The following SEL1L3 variants were observed in gnomAD, a reference collection of about 807,000 sequenced individuals.
SEL1L3 encodes the protein protein sel-1 homolog 3.
A neutral mutation model predicts 142.8 loss-of-function variants in SEL1L3; 76 were observed. The ratio of observed to expected loss-of-function variants is 0.53; its 90% CI spans 0.44 to 0.64. The LOEUF (loss-of-function observed/expected upper bound fraction) is 0.64. Ranked by LOEUF, SEL1L3 falls within the 30% of genes least tolerant of loss-of-function variation. The probability of loss-of-function intolerance (pLI) is 0.00; values close to 1 mark genes in which losing one functional copy is unlikely to be tolerated. For missense variants in SEL1L3, 1,262 were observed against 1,381.7 expected, an observed-to-expected ratio of 0.91 and a Z score of 1.37; for synonymous variants, 504 against 519.6, an observed-to-expected ratio of 0.97 and a Z score of 0.41.
intron 6 of SEL1L3, among the ~76,000 whole-genome samples, chr4:25,825,819 CAT>C (rs1246205283): frequency 5.8e-4 from 88 of 151,932 alleles, no homozygotes; most frequent in African/African-American, 1.9e-3. Flanking sequence ...GGAATACAGG[CAT>C]GCGCCACCAC....
chr4:25,781,385 C>A (rs1167902880), intron 15 of SEL1L3, among the ~76,000 whole-genome samples: 1 of 151,980 alleles, frequency 6.6e-6, no homozygotes, highest in Non-Finnish European at 1.5e-5. Context: ...CACCTGTAAT[C>A]CCAGAACTTT....
the SEL1L3 span, among the ~76,000 whole-genome samples, chr4:25,738,985 T>C: frequency 1.1e-4 from 16 of 150,270 alleles, no homozygotes; most frequent in South Asian, 4.2e-4. Flanking sequence ...GCGGGCAGAT[T>C]ACAAGGTCAG....
At chr4:25,802,495 G>A in intron 10 of SEL1L3, 33 bp from the exon 11 acceptor site, 1 of 1,573,478 alleles carries the variant, frequency 6.4e-7, no homozygotes. Context: ...GCGTTCATGA[G>A]ATTGTAGATA....
Position 25,788,596 on chromosome 4 carries a change from G to A in SEL1L3, c.2077-232C>T, listed in dbSNP as rs140814518. Among the ~76,000 whole-genome samples the A allele has an allele frequency of 0.23, 34,907 of 150,230 alleles. 4,153 individuals are homozygous for A. Among genetic ancestry groups the A allele is most frequent in the Admixed American group, 0.32 (4,851 of 15,088 alleles). Reference sequence around the variant, plus strand: ...TGTGTGTGTGTGTGTGTGTGTGTGTGTGTGTGTGTGTGTGTGTGTGTGTGT... The same window carrying A: ...TGTGTGTGTGTGTGTGTGTGTGTGTATGTGTGTGTGTGTGTGTGTGTGTGT... On this transcript the variant is annotated intron_variant, in intron 12 of 23. Coordinates refer to ENST00000399878, the MANE Select transcript of SEL1L3 (RefSeq NM_015187.5). This position sits in a 1 kb window ranked among gnomAD's most constrained non-coding sequence, Gnocchi z 5.3.
chr4:25,803,110 C>T (rs779660461), intron 10 of SEL1L3, among the ~76,000 whole-genome samples: 4 of 152,174 alleles, frequency 2.6e-5, no homozygotes, highest in African/African-American at 9.7e-5. Flanking sequence ...GTCTGGATGG[C>T]GGGCCCATGT....
At chr4:25,832,233 G>A (rs1363564359) in intron 5 of SEL1L3, among the ~76,000 whole-genome samples, 2 of 152,210 alleles carry the variant, frequency 1.3e-5, no homozygotes, top group African/African-American at 2.4e-5. Context: ...AGGGAAGACT[G>A]TGCATCATCT....
chr4:25,863,447 C>T (rs577552119), upstream of SEL1L3: 38 of 700,928 alleles, frequency 5.4e-5, no homozygotes, highest in South Asian at 5.3e-4. Context: ...TTTTGCGGGT[C>T]GCACAGACCA....
chr4:25,832,621 A>T (rs1715518799), intron 5 of SEL1L3, among the ~76,000 whole-genome samples: 1 of 152,248 alleles, frequency 6.6e-6, no homozygotes, highest in South Asian at 2.1e-4. Flanking sequence ...TTCCTTAAAA[A>T]AAAAGTTGTA....
intron 2 of SEL1L3, among the ~76,000 whole-genome samples, chr4:25,841,117 C>G (rs1193430588): frequency 3.3e-5 from 5 of 152,004 alleles, no homozygotes; most frequent in Admixed American, 1.3e-4. Flanking sequence ...ACTGCAGCCT[C>G]CATCTCCTGA....
chr4:25,819,745 C>G (rs1560329427), intron 8 of SEL1L3, 63 bp downstream of exon 8: 2 of 1,509,382 alleles, frequency 1.3e-6, no homozygotes, highest in Non-Finnish European at 1.8e-6. Context: ...TATGGAGAAG[C>G]CAAACATGTG....
At chr4:25,804,800 C>T (rs765320669) in intron 9 of SEL1L3, 48 bp from the exon 10 acceptor site, 6 of 1,366,172 alleles carry the variant, frequency 4.4e-6, no homozygotes, top group Non-Finnish European at 4.2e-6. Flanking sequence ...ACCATGGGAT[C>T]GATGTGGCTT....
intron 17 of SEL1L3, among the ~76,000 whole-genome samples, chr4:25,768,769 T>C (rs1348628989): frequency 6.6e-6 from 1 of 152,016 alleles, no homozygotes; most frequent in Non-Finnish European, 1.5e-5. Flanking sequence ...GGCAGGGTAT[T>C]CAAAAACATA....
chr4:25,715,121 T>C, the SEL1L3 span, among the ~76,000 whole-genome samples: 1 of 152,140 alleles, frequency 6.6e-6, no homozygotes, highest in African/African-American at 2.4e-5. Flanking sequence ...CACAGAAAAG[T>C]ATACATAAGT....
At chr4:25,748,912 C>G (rs62410852) in intron 23 of SEL1L3, among the ~76,000 whole-genome samples, 1 of 152,026 alleles carries the variant, frequency 6.6e-6, no homozygotes, top group Non-Finnish European at 1.5e-5. Context: ...CAGAAGAGGT[C>G]GTGGATTCCA....
intron 1 of SEL1L3, among the ~76,000 whole-genome samples, chr4:25,855,458 T>C (rs1717191406): frequency 6.6e-6 from 1 of 152,156 alleles, no homozygotes; most frequent in Admixed American, 6.5e-5. Context: ...TGTTTCTTGC[T>C]GAAATAAAGC....
At chr4:25,717,930 G>T in the SEL1L3 span, among the ~76,000 whole-genome samples, 1 of 152,148 alleles carries the variant, frequency 6.6e-6, no homozygotes, top group East Asian at 1.9e-4. Flanking sequence ...ACCAACGGAT[G>T]ACTCTAATCC....
chr4:25,797,218 T>C (rs1712833835), intron 11 of SEL1L3, among the ~76,000 whole-genome samples: 1 of 150,308 alleles, frequency 6.7e-6, no homozygotes, highest in African/African-American at 2.4e-5. Context: ...CTCTAGTTGT[T>C]GCAGCTGAGG....
the SEL1L3 span, among the ~76,000 whole-genome samples, chr4:25,717,308 C>T: frequency 4.6e-5 from 7 of 152,064 alleles, no homozygotes; most frequent in Non-Finnish European, 8.8e-5. Context: ...TTTTCTACCA[C>T]GATAGGAGTA....
At chr4:25,739,473 G>A in the SEL1L3 span, among the ~76,000 whole-genome samples, 10 of 152,098 alleles carry the variant, frequency 6.6e-5, no homozygotes, top group African/African-American at 1.7e-4. Flanking sequence ...TTGGGAGGCC[G>A]AGGAGGGTAG....
Sources: gnomAD v4.1 joint callset for allele counts (sites outside exome capture counted in the v4.1 genomes callset) on GRCh38, gnomAD v4.1.1 for gene constraint, Gnocchi (gnomAD v3.1) non-coding constraint, MANE v1.5 for transcripts, NCBI Gene and HGNC (gene_info 2026-07-23, HGNC 2026-07-21) for gene names.